Variants in PTPRM observed in about 807,000 individuals in gnomAD.
PTPRM encodes protein tyrosine phosphatase receptor type M.
Under a neutral mutation model 186.7 loss-of-function variants are expected in PTPRM, and 47 were observed. The ratio of observed to expected loss-of-function variants is 0.25; its 90% CI spans 0.20 to 0.32. PTPRM has a LOEUF of 0.32. Ranked by LOEUF, PTPRM falls within the 10% of genes least tolerant of loss-of-function variation. PTPRM has a pLI of 1.00. For missense variants in PTPRM, 1,494 were observed against 1,865.0 expected (o/e 0.80, Z 3.66); for synonymous variants, 668 against 674.9 (o/e 0.99, Z 0.16).
chr18:8,126,540 T>C (rs1411742658), intron 13 of PTPRM, among the ~76,000 whole-genome samples: 1 of 152,106 alleles, frequency 6.6e-6, no homozygotes, highest in Non-Finnish European at 1.5e-5. Context: ...ACATTATCTG[T>C]TTTCCTCCTA....
intron 2 of PTPRM, among the ~76,000 whole-genome samples, chr18:7,825,265 A>G (rs533292936): frequency 1.3e-5 from 2 of 152,274 alleles, no homozygotes; most frequent in East Asian, 1.9e-4. Context: ...CAACTACACC[A>G]TGTTGTAAGT....
chr18:8,323,679 C>T (rs1394966083), intron 22 of PTPRM, among the ~76,000 whole-genome samples: 1 of 152,116 alleles, frequency 6.6e-6, no homozygotes, highest in Non-Finnish European at 1.5e-5. Context: ...TTGTCTCCAT[C>T]AGCATTAGCT....
chr18:8,323,018 T>C (rs1190315718), intron 22 of PTPRM, among the ~76,000 whole-genome samples: 2 of 151,990 alleles, frequency 1.3e-5, no homozygotes, highest in Non-Finnish European at 2.9e-5. Flanking sequence ...ATTTAGGATC[T>C]CCCTAAATCT....
At chr18:7,652,618 T>C (rs1425740714) in intron 1 of PTPRM, among the ~76,000 whole-genome samples, 2 of 151,124 alleles carry the variant, frequency 1.3e-5, no homozygotes, top group Non-Finnish European at 2.9e-5. Context: ...ATGGATGAAG[T>C]TGGAAATCAT....
At chr18:8,140,807 G>A (rs1177343812) in intron 13 of PTPRM, among the ~76,000 whole-genome samples, 1 of 152,002 alleles carries the variant, frequency 6.6e-6, no homozygotes, top group African/African-American at 2.4e-5. Context: ...CTTTTAATAA[G>A]CAATTAAAAT....
intron 1 of PTPRM, among the ~76,000 whole-genome samples, chr18:7,723,171 T>G (rs2144874065): frequency 6.9e-6 from 1 of 145,460 alleles, no homozygotes; most frequent in East Asian, 2.2e-4. Flanking sequence ...ATCATTGCTT[T>G]TTCTTGGTGA....
intron 2 of PTPRM, among the ~76,000 whole-genome samples, chr18:7,775,304 G>C (rs1300668406): frequency 1.3e-5 from 2 of 152,100 alleles, no homozygotes; most frequent in Non-Finnish European, 1.5e-5. Context: ...TTTAGCTGTT[G>C]GTTATTTCCT....
chr18:7,803,995 G>A (rs2044107236), intron 2 of PTPRM, among the ~76,000 whole-genome samples: 1 of 152,150 alleles, frequency 6.6e-6, no homozygotes, highest in Non-Finnish European at 1.5e-5. Context: ...ATCAATATTT[G>A]GATGAAGACT....
chr18:7,922,357 T>A (rs539256265), intron 4 of PTPRM, among the ~76,000 whole-genome samples: 38 of 152,358 alleles, frequency 2.5e-4, no homozygotes, highest in African/African-American at 8.2e-4. Flanking sequence ...CGTACCTTTT[T>A]CTCTGTCCTT....
intron 20 of PTPRM, among the ~76,000 whole-genome samples, chr18:8,305,341 T>C (rs925479884): frequency 6.6e-6 from 1 of 152,198 alleles, no homozygotes; most frequent in African/African-American, 2.4e-5. Context: ...ATGAAAATGA[T>C]CAGGTCTTGA....
At chr18:7,660,868 G>A (rs2038962875) in intron 1 of PTPRM, among the ~76,000 whole-genome samples, 1 of 152,110 alleles carries the variant, frequency 6.6e-6, no homozygotes, top group Admixed American at 6.6e-5. Context: ...CTACTCAGGA[G>A]GCTGATGCAG....
intron 14 of PTPRM, among the ~76,000 whole-genome samples, chr18:8,239,024 T>G (rs544497462): frequency 6.6e-6 from 1 of 151,082 alleles, no homozygotes; most frequent in East Asian, 2.0e-4. Flanking sequence ...CTTTAAGTTT[T>G]AGGGTACATG....
At chr18:7,999,044 A>T (rs2083712005) in intron 7 of PTPRM, among the ~76,000 whole-genome samples, 1 of 152,174 alleles carries the variant, frequency 6.6e-6, no homozygotes, top group African/African-American at 2.4e-5. Flanking sequence ...CAATCTGCTT[A>T]TTCCTGCTTA....
At chr18:7,633,900 A>G (rs559284063) in intron 1 of PTPRM, among the ~76,000 whole-genome samples, 14 of 152,140 alleles carry the variant, frequency 9.2e-5, no homozygotes, top group Middle Eastern at 3.4e-3. Flanking sequence ...ATTCTTCCCT[A>G]GGACTTTCCC....
intron 3 of PTPRM, among the ~76,000 whole-genome samples, chr18:7,901,408 C>T (rs557291551): frequency 6.6e-6 from 1 of 151,882 alleles, no homozygotes; most frequent in African/African-American, 2.4e-5. Context: ...TACTCTGTCG[C>T]CAGGCTGCAG....
chr18:8,353,912 C>CA (rs1216424665), intron 23 of PTPRM, among the ~76,000 whole-genome samples: 4 of 151,952 alleles, frequency 2.6e-5, no homozygotes, highest in African/African-American at 9.7e-5. Flanking sequence ...AAAAGGCAAA[C>CA]AAAAAAGAGT....
chr18:7,976,021 T>A (rs897200377), intron 7 of PTPRM, among the ~76,000 whole-genome samples: 2 of 152,040 alleles, frequency 1.3e-5, no homozygotes, highest in Non-Finnish European at 2.9e-5. Flanking sequence ...ATACAAAAAT[T>A]AGCCAGGCAT....
Position 8,238,651 on chromosome 18 carries a change from G to GTTTTTT in PTPRM, c.2301-5379_2301-5374dup, listed in dbSNP as rs71165776. On this transcript the variant is annotated intron_variant, in intron 14 of 32. Coordinates refer to ENST00000580170, the MANE Select transcript of PTPRM (RefSeq NM_001105244.2). Reference sequence around the variant, plus strand: ...TCTGTCTCTTCACACTGTTTTGTGTGTTTTTTTTTTTTTTTTTTTTTTTTT... The same window carrying GTTTTTT: ...TCTGTCTCTTCACACTGTTTTGTGTGTTTTTTTTTTTTTTTTTTTTTTTTTTTTTTT... 4.7e-3 allele frequency among the ~76,000 whole-genome samples: 122 copies of GTTTTTT among 25,718 alleles called. 23 individuals are homozygous for GTTTTTT. Among genetic ancestry groups the GTTTTTT allele is most frequent in the East Asian group, 0.012 (8 of 670 alleles). 16.9% of individuals were successfully genotyped at this position (25,718 alleles called of 152,430 possible). A position where few individuals can be genotyped will look rare whatever the true frequency, so the allele number is the denominator to read the frequency against.
At chr18:7,605,580 G>C (rs925602464) in intron 1 of PTPRM, among the ~76,000 whole-genome samples, 1 of 152,124 alleles carries the variant, frequency 6.6e-6, no homozygotes, top group Non-Finnish European at 1.5e-5. Context: ...GTCGTGAATC[G>C]AACCAAATCT....
Sources: gnomAD v4.1 joint callset for allele counts (sites outside exome capture counted in the v4.1 genomes callset) on GRCh38, gnomAD v4.1.1 for gene constraint, MANE v1.5 for transcripts, NCBI Gene and HGNC (gene_info 2026-07-23, HGNC 2026-07-21) for gene names.